The following GRK3 variants were observed in gnomAD, a reference collection of about 807,000 sequenced individuals.
GRK3 encodes G protein-coupled receptor kinase 3.
Under a neutral mutation model 95.7 loss-of-function variants are expected in GRK3, and 54 were observed. That is an observed-to-expected ratio of 0.56 (90% confidence interval 0.45 to 0.71). The LOEUF (loss-of-function observed/expected upper bound fraction) is 0.71. Ranked by LOEUF, GRK3 falls within the 30% of genes least tolerant of loss-of-function variation. GRK3 has a pLI of 0.00. For synonymous variants in GRK3, 281 were observed against 290.8 expected (o/e 0.97, Z 0.34); for missense variants, 649 against 851.2 (o/e 0.76, Z 2.96).
chr22:25,620,734 A>G (rs1253070822), intron 2 of GRK3, among the ~76,000 whole-genome samples: 1 of 152,132 alleles, frequency 6.6e-6, no homozygotes, highest in African/African-American at 2.4e-5. Context: ...GAGTCCATCT[A>G]AGGGTCCTCA....
chr22:25,665,934 T>C (rs1345549184), intron 5 of GRK3, among the ~76,000 whole-genome samples: 1 of 152,200 alleles, frequency 6.6e-6, no homozygotes, highest in Non-Finnish European at 1.5e-5. Context: ...TGTGCTTGAG[T>C]GCTTCTAAAA....
Position 25,725,728 on chromosome 22 carries a change from C to T in GRK3, c.*3278C>T, listed in dbSNP as rs1419503512. ...TTGGGAGGCCGAGAGGGGCGGTTCA[C>T]GAGGTCAGGAGATTGAGACCATCCT... On this transcript the variant is annotated 3_prime_UTR_variant, in exon 21 of 21. Transcript: ENST00000324198. 3.0e-5 allele frequency: 12 copies of T among 397,520 alleles called. No homozygotes were observed. Among genetic ancestry groups the T allele is most frequent in the East Asian group, 1.4e-4 (4 of 28,056 alleles). 24.6% of individuals were successfully genotyped at this position (397,520 alleles called of 1,614,324 possible). A position where few individuals can be genotyped will look rare whatever the true frequency, so the allele number is the denominator to read the frequency against.
At chr22:25,682,650 A>T (rs2085083529) in intron 9 of GRK3, among the ~76,000 whole-genome samples, 4 of 152,248 alleles carry the variant, frequency 2.6e-5, no homozygotes, top group Non-Finnish European at 5.9e-5. Flanking sequence ...CAGTTTAGTG[A>T]CAAGTATACA....
At chr22:25,603,965 T>A (rs2084426445) in intron 1 of GRK3, among the ~76,000 whole-genome samples, 1 of 152,168 alleles carries the variant, frequency 6.6e-6, no homozygotes, top group Non-Finnish European at 1.5e-5. Context: ...CTTTTGCACT[T>A]GTTTTAGAAA....
intron 11 of GRK3, among the ~76,000 whole-genome samples, chr22:25,688,425 C>T (rs1344722946): frequency 1.2e-4 from 19 of 152,120 alleles, no homozygotes; most frequent in Admixed American, 1.2e-3. Flanking sequence ...TGAGCTAAGA[C>T]ATAGAATGGC....
intron 8 of GRK3, among the ~76,000 whole-genome samples, chr22:25,677,659 A>G (rs780329082): frequency 6.6e-6 from 1 of 152,240 alleles, no homozygotes; most frequent in Non-Finnish European, 1.5e-5. Context: ...CTTAAACATG[A>G]TAAGTTATGA....
At chr22:25,565,778 C>T (rs1204641918) in intron 1 of GRK3, among the ~76,000 whole-genome samples, 1 of 152,108 alleles carries the variant, frequency 6.6e-6, no homozygotes, top group African/African-American at 2.4e-5. Context: ...GGATTTTGAC[C>T]CACTCAGTAT....
At chr22:25,614,171 A>G (rs890609075) in intron 2 of GRK3, among the ~76,000 whole-genome samples, 2 of 152,116 alleles carry the variant, frequency 1.3e-5, no homozygotes, top group African/African-American at 4.8e-5. Flanking sequence ...TCTGTGGCCC[A>G]GGCTGGAATG....
At chr22:25,669,266 A>G (rs1278452074) in intron 6 of GRK3, among the ~76,000 whole-genome samples, 1 of 152,100 alleles carries the variant, frequency 6.6e-6, no homozygotes, top group Admixed American at 6.5e-5. Context: ...TCAGCAATGC[A>G]GGGACATGTG....
At chr22:25,649,906 T>A (rs760871698) in intron 3 of GRK3, among the ~76,000 whole-genome samples, 8 of 152,132 alleles carry the variant, frequency 5.3e-5, no homozygotes, top group Non-Finnish European at 1.2e-4. Flanking sequence ...GAATAAGAAA[T>A]TTTTCACTTC....
chr22:25,691,764 T>A (rs1024596986), intron 12 of GRK3, among the ~76,000 whole-genome samples: 1 of 152,230 alleles, frequency 6.6e-6, no homozygotes, highest in Non-Finnish European at 1.5e-5. Flanking sequence ...TGGGGTTATT[T>A]ATTTCCTAGC....
intron 13 of GRK3, among the ~76,000 whole-genome samples, chr22:25,701,328 G>A (rs2085257426): frequency 6.6e-6 from 1 of 152,202 alleles, no homozygotes; most frequent in Admixed American, 6.5e-5. Flanking sequence ...TTTCAAAATA[G>A]AAACCAAGTC....
chr22:25,623,339 T>C (rs2084600978), intron 2 of GRK3, among the ~76,000 whole-genome samples: 3 of 152,216 alleles, frequency 2.0e-5, no homozygotes, highest in South Asian at 2.1e-4. Context: ...TACGATGGCA[T>C]TGGGCCTTCC....
At chr22:25,682,615 A>G (rs1425244975) in intron 9 of GRK3, among the ~76,000 whole-genome samples, 1 of 152,230 alleles carries the variant, frequency 6.6e-6, no homozygotes, top group Non-Finnish European at 1.5e-5. Flanking sequence ...GATATAGACA[A>G]TCTAGGCCAT....
intron 13 of GRK3, among the ~76,000 whole-genome samples, chr22:25,702,137 T>G (rs974006726): frequency 6.6e-6 from 1 of 152,130 alleles, no homozygotes; most frequent in Non-Finnish European, 1.5e-5. Flanking sequence ...GCAATTAGTT[T>G]GTGTTTCACT....
intron 2 of GRK3, among the ~76,000 whole-genome samples, chr22:25,641,857 C>A (rs111983457): frequency 0.026 from 3,887 of 152,176 alleles, 57 homozygotes; most frequent in East Asian, 0.038. Context: ...AATGGTGACT[C>A]CAGAGGACGT....
chr22:25,673,008 A>ATTTTTTTTTTTTTTTTTTTTTTTTTTTTT (rs3884806), intron 7 of GRK3, among the ~76,000 whole-genome samples: 1 of 110,520 alleles, frequency 9.0e-6, no homozygotes, highest in African/African-American at 3.6e-5. Flanking sequence ...ATCAACCGGA[A>ATTTTTTTTTTTTTTTTTTTTTTTTTTTTT]TTTTTTTTTT....
At chr22:25,718,160 T>A in intron 18 of GRK3, 85 bp from the exon 19 acceptor site, 2 of 1,447,916 alleles carry the variant, frequency 1.4e-6, no homozygotes, top group Non-Finnish European at 1.9e-6. Context: ...CCAAAAAGCA[T>A]GTCTGTTCTT....
At chr22:25,704,965 T>A (rs2085288272) in intron 15 of GRK3, among the ~76,000 whole-genome samples, 1 of 152,206 alleles carries the variant, frequency 6.6e-6, no homozygotes, top group Admixed American at 6.5e-5. Context: ...CAGACCTTTT[T>A]CCTGTATCTC....
Sources: allele counts gnomAD v4.1 joint callset (sites outside exome capture counted in the v4.1 genomes callset), GRCh38; gene constraint gnomAD v4.1.1; transcripts MANE v1.5; gene names NCBI Gene and HGNC (gene_info 2026-07-23, HGNC 2026-07-21).